ZNF19: variants seen among roughly 807,000 people sequenced by gnomAD.
ZNF19 encodes zinc finger protein 19.
ZNF19 carries 11 observed loss-of-function variants against 13.1 expected under a neutral mutation model. The ratio of observed to expected loss-of-function variants is 0.84; its 90% CI spans 0.53 to 1.39. The LOEUF is 1.39. ZNF19 is among the 40% of genes most tolerant of loss of function. The pLI is 0.00. For missense variants in ZNF19, 560 were observed against 547.0 expected (o/e 1.02, Z -0.24); for synonymous variants, 186 against 187.0 (o/e 0.99, Z 0.04).
At chr16:71,483,572 A>G (rs2043652848) in intron 2 of ZNF19, among the ~76,000 whole-genome samples, 1 of 152,048 alleles carries the variant, frequency 6.6e-6, no homozygotes, top group Admixed American at 6.5e-5. Flanking sequence ...TCTAGCCGCC[A>G]TTCTCTCCAG....
Position 71,476,197 on chromosome 16 carries a change from T to A in ZNF19, c.350A>T (p.His117Leu), listed in dbSNP as rs1211982101. The A allele has an allele frequency of 6.2e-7, 1 of 1,614,190 alleles. No individual in the cohort carries two copies. Among genetic ancestry groups the A allele is most frequent in the Admixed American group, 1.7e-5 (1 of 60,032 alleles). The change falls in exon 6 of 6, where the codon CAT (histidine) becomes CTT (leucine). Residue 117 changes from histidine (H) to leucine (L), a missense_variant. Coordinates refer to ENST00000288177, the MANE Select transcript of ZNF19 (RefSeq NM_006961.4). ...CTGAGGGACACTCTTCAGCTGACCA[T>A]GTGACATCATCCCATCTCTTTCTTC... ...ISEERDGMMS[H>L]GQLKSVPQRT...
rs1597012151 is a variant in ZNF19, at chr16:71,475,074, G to C, written c.*96C>G. 7.3e-7 allele frequency: 1 copy of C among 1,373,454 alleles called. No individual in the cohort carries two copies. Among genetic ancestry groups the C allele is most frequent in the East Asian group, 2.5e-5 (1 of 39,840 alleles). The allele number at this position is 1,373,454 out of a possible 1,614,324, so 85.1% of individuals were successfully genotyped here. A position where few individuals can be genotyped will look rare whatever the true frequency, so the allele number is the denominator to read the frequency against. On this transcript the variant is annotated 3_prime_UTR_variant, in exon 6 of 6. Coordinates refer to ENST00000288177, the MANE Select transcript of ZNF19 (RefSeq NM_006961.4). ...ACATCTGAATCATTAACTGTGGCTTGAGGGATGGATCAGAGGCTGAGTCAG... is the reference window on the plus strand; with the variant it reads ...ACATCTGAATCATTAACTGTGGCTTCAGGGATGGATCAGAGGCTGAGTCAG...
chr16:71,476,173 T>A lies in ZNF19; in HGVS notation c.374A>T (p.Gln125Leu). 6.2e-7 allele frequency: 1 copy of A among 1,614,200 alleles called. No homozygotes were observed. Among genetic ancestry groups the A allele is most frequent in the Non-Finnish European group, 8.5e-7 (1 of 1,180,018 alleles). Residue 125 changes from glutamine (Q) to leucine (L), a missense_variant, in exon 6 of 6, where the codon CAG becomes CTG. By Grantham distance (113) the Gln-to-Leu change is moderately radical (BLOSUM62 -2). Transcript: ENST00000288177. Reference sequence around the variant, plus strand: ...ACGTGTTTCTGGGAAGTCAGTTCTCTGAGGGACACTCTTCAGCTGACCATG... The same window carrying A: ...ACGTGTTTCTGGGAAGTCAGTTCTCAGAGGGACACTCTTCAGCTGACCATG... ...MSHGQLKSVPQRTDFPETRNV... is the reference protein window; with the variant it reads ...MSHGQLKSVPLRTDFPETRNV...
intron 1 of ZNF19, 123 bp downstream of exon 1, chr16:71,489,149 T>A: frequency 1.4e-6 from 1 of 717,628 alleles, no homozygotes; most frequent in Non-Finnish European, 1.7e-6. Flanking sequence ...CCGGCCACAA[T>A]TGTATAGTGA....
chr16:71,487,186 G>A (rs1213776415), intron 1 of ZNF19: 2 of 152,140 alleles, frequency 1.3e-5, no homozygotes. Flanking sequence ...TCAGTGTTGG[G>A]GGAGGAACAT....
intron 1 of ZNF19, among the ~76,000 whole-genome samples, chr16:71,485,450 CAA>C (rs143351394): frequency 7.7e-5 from 6 of 77,998 alleles, no homozygotes; most frequent in Admixed American, 1.5e-4. Context: ...AACTCCATCT[CAA>C]AAAAAAAAAA....
chr16:71,484,219 G>A (rs1318032178), intron 2 of ZNF19, among the ~76,000 whole-genome samples: 1 of 152,150 alleles, frequency 6.6e-6, no homozygotes, highest in Non-Finnish European at 1.5e-5. Flanking sequence ...TGGGGGCGGG[G>A]CCCACGCCCC....
chr16:71,481,963 G>A (rs2043639602), intron 3 of ZNF19, 119 bp downstream of exon 3: 1 of 1,029,458 alleles, frequency 9.7e-7, no homozygotes, highest in Admixed American at 1.9e-5. Flanking sequence ...CCTACTGGAG[G>A]GAATCAGCAG....
At chr16:71,480,824 C>G (rs575855376) in intron 3 of ZNF19, among the ~76,000 whole-genome samples, 1 of 152,324 alleles carries the variant, frequency 6.6e-6, no homozygotes, top group Middle Eastern at 3.4e-3. Context: ...GGGCCCCACT[C>G]TGAGAGAAGT....
chr16:71,475,688 G>A lies in ZNF19; in HGVS notation c.859C>T (p.Pro287Ser), dbSNP rs749787976. The change falls in exon 6 of 6, where the codon CCC (proline) becomes TCC (serine). Residue 287 changes from proline to serine, a missense_variant. Physicochemically the swap from Pro to Ser is moderately conservative, Grantham distance 74 (BLOSUM62 -1). Coordinates refer to ENST00000288177, the MANE Select transcript of ZNF19 (RefSeq NM_006961.4). The stretch of plus-strand genomic sequence containing the variant: ...TGGATTTTCTGATGCCGAAGTAGGG[G>A]TGAATTACCAACAAAAGCTTTGCCA... ...ECGKAFVGNS[P>S]LLRHQKIHTG... 6.2e-7 allele frequency: 1 copy of A among 1,612,256 alleles called. No homozygotes were observed. Among genetic ancestry groups the A allele is most frequent in the South Asian group, 1.1e-5 (1 of 90,866 alleles).
chr16:71,486,181 GAAAA>G (rs33957419), intron 1 of ZNF19, among the ~76,000 whole-genome samples: 28 of 130,902 alleles, frequency 2.1e-4, no homozygotes, highest in African/African-American at 3.1e-4. Flanking sequence ...TGTCTCTACC[GAAAA>G]AAAAAAAAAA....
rs766276470 is a variant in ZNF19, at chr16:71,475,614, T to C, written c.933A>G (p.Gly311=). 17 of 1,613,870 alleles carry C rather than the reference T, an allele frequency of 1.1e-5. No individual in the cohort carries two copies. The highest frequency in any genetic ancestry group is 1.4e-5 in the Non-Finnish European group (17 of 1,179,982). The change falls in exon 6 of 6, where the codon GGA becomes GGG. Residue 311 remains glycine, a synonymous_variant. Transcript: ENST00000288177. The part of the protein sequence containing the change: ...YECNECGKSF[G]RTSHLSQHQR... ...GATGTTGGCTTAGATGGGAAGTCCT[T>C]CCAAAGCTTTTGCCACACTCATTAC...
At chr16:71,479,549 G>A (rs575175419) in intron 3 of ZNF19, among the ~76,000 whole-genome samples, 3 of 152,244 alleles carry the variant, frequency 2.0e-5, no homozygotes, top group African/African-American at 7.2e-5. Context: ...CTTGTATAAA[G>A]GACTGGGCTG....
intron 5 of ZNF19, chr16:71,477,844 C>G (rs2043612299): frequency 6.0e-6 from 1 of 167,486 alleles, no homozygotes; most frequent in African/African-American, 2.4e-5. Flanking sequence ...ATTCTCCGTC[C>G]CACTCCCAAC....
intron 1 of ZNF19, among the ~76,000 whole-genome samples, chr16:71,488,015 A>G (rs2043691283): frequency 6.6e-6 from 1 of 152,178 alleles, no homozygotes; most frequent in South Asian, 2.1e-4. Context: ...TACCACTACT[A>G]TTTAACATCA....
At chr16:71,485,753 T>C (rs962406678) in intron 1 of ZNF19, among the ~76,000 whole-genome samples, 1 of 152,108 alleles carries the variant, frequency 6.6e-6, no homozygotes, top group Non-Finnish European at 1.5e-5. Context: ...TATTAACATT[T>C]AATTCACACA....
Position 71,478,968 on chromosome 16 carries a change from G to A in ZNF19, c.71C>T (p.Thr24Ile). 1.2e-6 allele frequency: 2 copies of A among 1,614,220 alleles called. No individual in the cohort carries two copies. Among genetic ancestry groups the A allele is most frequent in the Non-Finnish European group, 1.7e-6 (2 of 1,180,040 alleles). ...VTFEDVAVHF[T>I]KTEWTGLSPA... is the part of the protein sequence containing the mutation. ...AGAAAGGCCAGTCCATTCTGTCTTG[G>A]TGAAGTGCACAGCCACATCCTCGAA... is the stretch of plus-strand genomic sequence containing the variant. The change falls in exon 4 of 6, where the codon ACC (threonine) becomes ATC (isoleucine). Residue 24 changes from threonine (T) to isoleucine (I), a missense_variant. Coordinates refer to ENST00000288177, the MANE Select transcript of ZNF19 (RefSeq NM_006961.4).
At chr16:71,486,483 C>T (rs1346990940) in intron 1 of ZNF19, among the ~76,000 whole-genome samples, 32 of 152,134 alleles carry the variant, frequency 2.1e-4, no homozygotes. Flanking sequence ...GGACTTGGCC[C>T]AACCTCACTG....
chr16:71,476,332 G>T, intron 5 of ZNF19, 60 bp from the exon 6 acceptor site: 1 of 1,498,880 alleles, frequency 6.7e-7, no homozygotes, highest in South Asian at 1.3e-5. Flanking sequence ...AGAAATAATA[G>T]AGCATTGAAA....
Sources: allele counts gnomAD v4.1 joint callset (sites outside exome capture counted in the v4.1 genomes callset), GRCh38; gene constraint gnomAD v4.1.1; transcripts MANE v1.5; gene names NCBI Gene and HGNC (gene_info 2026-07-23, HGNC 2026-07-21).